The following ZNF678 variants were observed in gnomAD, a reference collection of about 807,000 sequenced individuals.
ZNF678 encodes the protein hypothetical protein MGC42493.
ZNF678 carries 5 observed loss-of-function variants against 3.0 expected under a neutral mutation model. The observed-to-expected ratio is 1.69, with a 90% CI of 0.88 to 3.56. The LOEUF is 3.56. Among genes scored for constraint, ZNF678 ranks in the 30% most tolerant of loss-of-function variants. The pLI, the probability that ZNF678 is intolerant of heterozygous loss-of-function variation, is 0.00. For synonymous variants in ZNF678, 218 were observed against 199.6 expected, an observed-to-expected ratio of 1.09 and a Z score of -0.78; for missense variants, 593 against 605.0, an observed-to-expected ratio of 0.98 and a Z score of 0.21.
At chr1:227,647,817 A>G (rs1355412524) in intron 2 of ZNF678, among the ~76,000 whole-genome samples, 1 of 152,206 alleles carries the variant, frequency 6.6e-6, no homozygotes, top group African/African-American at 2.4e-5. Flanking sequence ...GAACATAGGA[A>G]TATCTACATA....
chr1:227,647,531 C>T (rs546484403), intron 2 of ZNF678, among the ~76,000 whole-genome samples: 8 of 152,202 alleles, frequency 5.3e-5, no homozygotes, highest in South Asian at 2.1e-4. Flanking sequence ...GTGATAGTAG[C>T]CAAATTTCAA....
chr1:227,596,746 A>G (rs1252622966), intron 1 of ZNF678, among the ~76,000 whole-genome samples: 2 of 152,224 alleles, frequency 1.3e-5, no homozygotes, highest in Non-Finnish European at 2.9e-5. Flanking sequence ...TTTTTATACA[A>G]TCAGGTAACA....
rs1658741257 is a variant in ZNF678, at chr1:227,638,675, T to C, written c.-163-7869T>C. Among the ~76,000 whole-genome samples the C allele has an allele frequency of 6.6e-6, 1 of 152,022 alleles. No individual in the cohort carries two copies. Among genetic ancestry groups the C allele is most frequent in the African/African-American group, 2.4e-5 (1 of 41,376 alleles). ...GTCTAGGTGGATGTCTTGGGTACTA[T>C]GGGAAATGTGGAAGTAGGGAGTAAT... is the stretch of plus-strand genomic sequence containing the variant. On this transcript the variant is annotated intron_variant, in intron 1 of 3. Coordinates refer to ENST00000343776, the MANE Select transcript of ZNF678 (RefSeq NM_001367909.1). The surrounding 1 kb of genome is among the most constrained non-coding windows in gnomAD (Gnocchi z 4.2).
chr1:227,602,930 A>G (rs1212715756), intron 1 of ZNF678, among the ~76,000 whole-genome samples: 2 of 152,210 alleles, frequency 1.3e-5, no homozygotes, highest in Non-Finnish European at 2.9e-5. Flanking sequence ...CAGGAGTTCA[A>G]GGCTATAATG....
At chr1:227,599,287 G>A (rs1371654091) in intron 1 of ZNF678, among the ~76,000 whole-genome samples, 6 of 152,130 alleles carry the variant, frequency 3.9e-5, no homozygotes, top group African/African-American at 1.2e-4. Flanking sequence ...GCAGTACCAC[G>A]CGGTTGTCCC....
chr1:227,660,222 C>T lies in ZNF678; in HGVS notation c.*4394C>T, dbSNP rs1377530834. On this transcript the variant is annotated 3_prime_UTR_variant, in exon 4 of 4. Coordinates refer to ENST00000343776, the MANE Select transcript of ZNF678 (RefSeq NM_001367909.1). ...CTGTCAAGTAGTGCAGTGCTTCCAA[C>T]CTTCAGAGTCTTTTACTGTACTATA... is the stretch of plus-strand genomic sequence containing the variant. The T allele has an allele frequency of 6.6e-6, 1 of 151,402 alleles. No individual in the cohort carries two copies. The highest frequency in any genetic ancestry group is 1.5e-5 in the Non-Finnish European group (1 of 67,934). 9.4% of individuals were successfully genotyped at this position (151,402 alleles called of 1,614,324 possible).
chr1:227,603,274 A>G (rs1558139738), intron 1 of ZNF678, among the ~76,000 whole-genome samples: 1 of 152,196 alleles, frequency 6.6e-6, no homozygotes, highest in Non-Finnish European at 1.5e-5. Context: ...GGAATCAGGT[A>G]CAATCCCTGG....
chr1:227,564,705 CTT>C (rs1656623765), intron 1 of ZNF678, among the ~76,000 whole-genome samples: 1 of 152,100 alleles, frequency 6.6e-6, no homozygotes, highest in Non-Finnish European at 1.5e-5. Context: ...GGAGGGCACT[CTT>C]TGTTGTTGCT....
At chr1:227,568,207 A>G (rs144141994) in intron 1 of ZNF678, among the ~76,000 whole-genome samples, 48 of 152,300 alleles carry the variant, frequency 3.2e-4, no homozygotes, top group Non-Finnish European at 3.2e-4. Flanking sequence ...TCCTACTGCT[A>G]GATGACCCTA....
chr1:227,587,915 C>T (rs933782799), intron 1 of ZNF678, among the ~76,000 whole-genome samples: 3 of 151,016 alleles, frequency 2.0e-5, no homozygotes, highest in East Asian at 2.0e-4. Flanking sequence ...TGGTTTACTG[C>T]ACAGATCATC....
intron 1 of ZNF678, among the ~76,000 whole-genome samples, chr1:227,627,737 G>T (rs994829691): frequency 6.6e-6 from 1 of 152,152 alleles, no homozygotes; most frequent in African/African-American, 2.4e-5. Context: ...AATTCTGCCA[G>T]CTGAGTGCTA....
intron 1 of ZNF678, among the ~76,000 whole-genome samples, chr1:227,643,959 G>A (rs954050777): frequency 6.6e-6 from 1 of 150,518 alleles, no homozygotes; most frequent in Non-Finnish European, 1.5e-5. Context: ...CGCCCTCCGG[G>A]TTCAAGTGAT....
chr1:227,632,023 A>C (rs1658558746), intron 1 of ZNF678, among the ~76,000 whole-genome samples: 1 of 152,200 alleles, frequency 6.6e-6, no homozygotes, highest in Non-Finnish European at 1.5e-5. Flanking sequence ...TGTATTGCAG[A>C]GGGGTAAGCT....
intron 1 of ZNF678, among the ~76,000 whole-genome samples, chr1:227,601,210 T>A (rs1657729080): frequency 6.6e-6 from 1 of 152,226 alleles, no homozygotes; most frequent in Non-Finnish European, 1.5e-5. Context: ...CCAGCATTGT[T>A]ATTTTTGCTT....
chr1:227,606,575 T>C (rs1657877547), intron 1 of ZNF678, among the ~76,000 whole-genome samples: 1 of 152,158 alleles, frequency 6.6e-6, no homozygotes, highest in Non-Finnish European at 1.5e-5. Flanking sequence ...CCTTCCTCTT[T>C]TACTAATCCT....
At chr1:227,651,098 G>T (rs1181739559) in intron 3 of ZNF678, 22 bp downstream of exon 3, 1 of 1,610,384 alleles carries the variant, frequency 6.2e-7, no homozygotes, top group African/African-American at 1.3e-5. Flanking sequence ...ATCCTATTGG[G>T]TCTCCAGGCT....
intron 1 of ZNF678, among the ~76,000 whole-genome samples, chr1:227,583,749 T>C (rs1657192248): frequency 6.6e-6 from 1 of 152,172 alleles, no homozygotes. Context: ...TTCCCAGTCA[T>C]AATGTGACAT....
intron 2 of ZNF678, among the ~76,000 whole-genome samples, chr1:227,647,942 A>G (rs4500311): frequency 0.69 from 105,254 of 152,140 alleles, 37,787 homozygotes; most frequent in African/African-American, 0.89. Flanking sequence ...CACCACAAAC[A>G]TGTTGTATTT....
chr1:227,599,365 G>A (rs1029516953), intron 1 of ZNF678, among the ~76,000 whole-genome samples: 23 of 152,158 alleles, frequency 1.5e-4, no homozygotes, highest in African/African-American at 4.1e-4. Flanking sequence ...AGAGAAGGCC[G>A]AAGCAGGCCC....
Sources: gnomAD v4.1 joint callset for allele counts (sites outside exome capture counted in the v4.1 genomes callset) on GRCh38, gnomAD v4.1.1 for gene constraint, Gnocchi (gnomAD v3.1) non-coding constraint, MANE v1.5 for transcripts, NCBI Gene and HGNC (gene_info 2026-07-23, HGNC 2026-07-21) for gene names.